The following TNFAIP2 variants were observed in gnomAD, a reference collection of about 807,000 sequenced individuals.
The protein encoded by TNFAIP2 is tumor necrosis factor alpha-induced protein 2.
In TNFAIP2, 47 loss-of-function variants were observed where a neutral mutation model predicts 63.5. The ratio of observed to expected loss-of-function variants is 0.74; its 90% confidence interval spans 0.59 to 0.94. The LOEUF is 0.94. TNFAIP2 is among the 40% of genes least tolerant of loss of function. The probability of loss-of-function intolerance (pLI) is 0.00; values close to 1 mark genes in which losing one functional copy is unlikely to be tolerated. For missense variants in TNFAIP2, 787 were observed against 850.2 expected (o/e 0.93, Z 0.92); for synonymous variants, 405 against 390.2 (o/e 1.04, Z -0.45).
In TNFAIP2 at chr14:103,135,385, G is replaced by T; in HGVS notation, c.*25G>T. On this transcript the variant is annotated 3_prime_UTR_variant, in exon 12 of 12. Transcript: ENST00000560869. The surrounding 1 kb of genome is among the most constrained non-coding windows in gnomAD (Gnocchi z 7.6). ...GCTTTTCCTGTGGCCTGACCTGCCT[G>T]TGAGTGCCCAGCAAGCCTTGGGCAC... The T allele has an allele frequency of 6.3e-7, 1 of 1,580,458 alleles. No individual in the cohort carries two copies. The highest frequency in any genetic ancestry group is 1.2e-5 in the South Asian group (1 of 85,356).
chr14:103,135,300 C>T lies in TNFAIP2; in HGVS notation c.1905C>T (p.Asp635=), dbSNP rs2234147. The change falls in exon 12 of 12, where the codon GAC becomes GAT. Residue 635 remains aspartate, a synonymous_variant. Coordinates refer to ENST00000560869, the MANE Select transcript of TNFAIP2 (RefSeq NM_006291.4). This position sits in a 1 kb window ranked among gnomAD's most constrained non-coding sequence, Gnocchi z 7.6. ...TCAAGCGCATCCGGAGCATCTTGGA[C>T]GTCAGCATGGGGGCGCAGGAGCCCT... ...SEVKRIRSIL[D]VSMGAQEPSR... 0.012 allele frequency: 19,313 copies of T among 1,613,914 alleles called. 218 individuals are homozygous for T. Among genetic ancestry groups the T allele is most frequent in the South Asian group, 0.046 (4,146 of 91,086 alleles).
chr14:103,132,396 C>T (rs1046835718), intron 8 of TNFAIP2, among the ~76,000 whole-genome samples: 4 of 152,132 alleles, frequency 2.6e-5, no homozygotes, highest in Non-Finnish European at 4.4e-5. Flanking sequence ...AGCGGTGACC[C>T]CACATCCCCT....
Position 103,135,649 on chromosome 14 carries a change from C to A in TNFAIP2, c.*289C>A. ...TGATCGTGTGCACGCAAGGAAAGAACCAGGAGGGAGAGTGCAGCCAGGCTC... is the reference window on the plus strand; with the variant it reads ...TGATCGTGTGCACGCAAGGAAAGAAACAGGAGGGAGAGTGCAGCCAGGCTC... On this transcript the variant is annotated 3_prime_UTR_variant, in exon 12 of 12. Coordinates refer to ENST00000560869, the MANE Select transcript of TNFAIP2 (RefSeq NM_006291.4). The surrounding 1 kb of genome is among the most constrained non-coding windows in gnomAD (Gnocchi z 7.6). The A allele has an allele frequency of 2.3e-6, 3 of 1,293,560 alleles. No homozygotes were observed. Among genetic ancestry groups the A allele is most frequent in the South Asian group, 3.1e-5 (2 of 65,292 alleles). 80.1% of individuals were successfully genotyped at this position (1,293,560 alleles called of 1,614,324 possible).
At position 103,127,619 on chromosome 14, in the gene TNFAIP2, C is replaced by G. The variant is rs929106818; in HGVS notation, c.850C>G (p.Leu284Val). The change falls in exon 3 of 12, where the codon CTC (leucine) becomes GTC (valine). Residue 284 changes from leucine to valine, a missense_variant. By Grantham distance (32) the Leu-to-Val change is conservative. Coordinates refer to ENST00000560869, the MANE Select transcript of TNFAIP2 (RefSeq NM_006291.4). This position sits in a 1 kb window ranked among gnomAD's most constrained non-coding sequence, Gnocchi z 5.1. Reference sequence around the variant, plus strand: ...CATGCTGCTGCTCTGGGTGCAGAACCTCTACCCCAAGTGAGCAGACCAGGG... The same window carrying G: ...CATGCTGCTGCTCTGGGTGCAGAACGTCTACCCCAAGTGAGCAGACCAGGG... ...TYMLLLWVQN[L>V]YPNDIINSPK... The G allele has an allele frequency of 2.0e-6, 3 of 1,504,918 alleles. No homozygotes were observed. In the African/African-American group the frequency reaches 4.2e-5, roughly 21 times the overall value. The allele number at this position is 1,504,918 out of a possible 1,614,324, so 93.2% of individuals were successfully genotyped here. A position where few individuals can be genotyped will look rare whatever the true frequency, so the allele number is the denominator to read the frequency against.
intron 3 of TNFAIP2, among the ~76,000 whole-genome samples, chr14:103,128,491 G>C (rs1395134029): frequency 1.3e-5 from 2 of 152,202 alleles, no homozygotes; most frequent in African/African-American, 2.4e-5. Flanking sequence ...GGGCGGGGGA[G>C]TCCAGGGGCT....
chr14:103,131,301 G>C lies in TNFAIP2; in HGVS notation c.1298+151G>C. 1 of 846,086 alleles carries C rather than the reference G, an allele frequency of 1.2e-6. No homozygotes were observed. The highest frequency in any genetic ancestry group is 1.9e-6 in the Non-Finnish European group (1 of 537,362). The allele number at this position is 846,086 out of a possible 1,614,324, so 52.4% of individuals were successfully genotyped here. On this transcript the variant is annotated intron_variant, in intron 7 of 11. Transcript: ENST00000560869. The surrounding 1 kb of genome is among the most constrained non-coding windows in gnomAD (Gnocchi z 4.0). ...GAGGACTCCACGGCCTGCAGCAGCA[G>C]CAGCAAACATTTCCCAAGTGCTGGC...
intron 2 of TNFAIP2, 108 bp from the exon 3 acceptor site, chr14:103,126,897 C>G (rs1232041585): frequency 7.1e-7 from 1 of 1,402,958 alleles, no homozygotes; most frequent in East Asian, 2.6e-5. Context: ...AGGGTGTTGG[C>G]CGCCGGCCCT....
upstream of TNFAIP2, among the ~76,000 whole-genome samples, chr14:103,123,277 G>A (rs2087783684): frequency 6.6e-6 from 1 of 152,198 alleles, no homozygotes; most frequent in East Asian, 1.9e-4. Context: ...ACAGCGCCCC[G>A]CATCCCCCGC....
At position 103,135,613 on chromosome 14, in the gene TNFAIP2, T is replaced by TAAA; in HGVS notation, c.*254_*256dup. 1 of 1,380,474 alleles carries TAAA rather than the reference T, an allele frequency of 7.2e-7. No individual in the cohort carries two copies. Among genetic ancestry groups the TAAA allele is most frequent in the Non-Finnish European group, 9.4e-7 (1 of 1,065,698 alleles). The allele number at this position is 1,380,474 out of a possible 1,614,324, so 85.5% of individuals were successfully genotyped here. On this transcript the variant is annotated 3_prime_UTR_variant, in exon 12 of 12. Coordinates refer to ENST00000560869, the MANE Select transcript of TNFAIP2 (RefSeq NM_006291.4). The surrounding 1 kb of genome is among the most constrained non-coding windows in gnomAD (Gnocchi z 7.6). ...ACCAGGCAACACCAAGGACTCTTTG[T>TAAA]AAACGATAGCTGATCGTGTGCACGC...
chr14:103,122,974 G>T (rs1474075059), upstream of TNFAIP2: 6 of 360,602 alleles, frequency 1.7e-5, no homozygotes, highest in Non-Finnish European at 3.3e-5. Flanking sequence ...CCCCTTAGGG[G>T]GCCTCCTTCA....
At position 103,127,215 on chromosome 14, in the gene TNFAIP2, A is replaced by G; in HGVS notation, c.446A>G (p.Glu149Gly). 1.8e-6 allele frequency: 2 copies of G among 1,104,600 alleles called. No individual in the cohort carries two copies. The highest frequency in any genetic ancestry group is 2.4e-5 in the South Asian group (1 of 41,424). The allele number at this position is 1,104,600 out of a possible 1,614,324, so 68.4% of individuals were successfully genotyped here. The change falls in exon 3 of 12, where the codon GAG becomes GGG. Residue 149 changes from glutamate (E) to glycine (G), a missense_variant. Physicochemically the swap from Glu to Gly is moderately conservative, Grantham distance 98. Around this residue, in one of 3 missense-constraint regions of TNFAIP2, gnomAD observed 258 missense variants for 228.9 expected, o/e 1.13. Transcript: ENST00000560869. The surrounding 1 kb of genome is among the most constrained non-coding windows in gnomAD (Gnocchi z 5.1). ...VLRRPLEAPPERLRQALAVVA... is the reference protein window; with the variant it reads ...VLRRPLEAPPGRLRQALAVVA... ...CGGCGGCCGCTGGAGGCGCCGCCCGAGCGGCTGCGCCAGGCGCTGGCCGTG... is the reference window on the plus strand; with the variant it reads ...CGGCGGCCGCTGGAGGCGCCGCCCGGGCGGCTGCGCCAGGCGCTGGCCGTG...
rs1296477616 is a variant in TNFAIP2 at position 103,132,819 on chromosome 14, A to G, written c.1492A>G (p.Thr498Ala). The G allele has an allele frequency of 6.2e-7, 1 of 1,614,078 alleles. No individual in the cohort carries two copies. The highest frequency in any genetic ancestry group is 1.7e-5 in the Admixed American group (1 of 60,020). ...PVETLENIIA[T>A]VDTRLPEFSE... ...GGAGACCCTGGAAAACATCATCGCC[A>G]CTGTAGACACGAGGCTGCCTGAGTT... The change falls in exon 9 of 12, where the codon ACT (threonine) becomes GCT (alanine). Residue 498 changes from threonine (T) to alanine (A), a missense_variant. Coordinates refer to ENST00000560869, the MANE Select transcript of TNFAIP2 (RefSeq NM_006291.4).
chr14:103,129,498 A>T (rs1227540682), intron 3 of TNFAIP2, among the ~76,000 whole-genome samples: 4 of 60,394 alleles, frequency 6.6e-5, no homozygotes, highest in Admixed American at 1.5e-4. Context: ...TTGGAGCAGG[A>T]CCTAATGGGG....
chr14:103,134,083 A>G (rs921502314), intron 11 of TNFAIP2, among the ~76,000 whole-genome samples: 1 of 152,220 alleles, frequency 6.6e-6, no homozygotes, highest in Non-Finnish European at 1.5e-5. Flanking sequence ...TTTACCTGAC[A>G]CTGCCTCTCA....
intron 5 of TNFAIP2, 31 bp downstream of exon 5, chr14:103,130,155 C>A: frequency 6.3e-7 from 1 of 1,599,874 alleles, no homozygotes; most frequent in Non-Finnish European, 8.5e-7. Context: ...GCACACGTAC[C>A]GCCCGTGCAC....
At position 103,127,407 on chromosome 14, in the gene TNFAIP2, C is replaced by T. The variant is rs1280759843; in HGVS notation, c.638C>T (p.Pro213Leu). 6.4e-7 allele frequency: 1 copy of T among 1,560,828 alleles called. No homozygotes were observed. The highest frequency in any genetic ancestry group is 2.3e-5 in the East Asian group (1 of 43,074). The change falls in exon 3 of 12, where the codon CCC becomes CTC. Residue 213 changes from proline to leucine, a missense_variant. Pro to Leu is a moderately conservative substitution (Grantham distance 98). Around this residue, in one of 3 missense-constraint regions of TNFAIP2, gnomAD observed 523 missense variants for 604.1 expected, o/e 0.87. Coordinates refer to ENST00000560869, the MANE Select transcript of TNFAIP2 (RefSeq NM_006291.4). This position sits in a 1 kb window ranked among gnomAD's most constrained non-coding sequence, Gnocchi z 5.1. ...CGGCCGGCCGCGGGCGCCGAGGTCC[C>T]CGAGAGCGTCTTTCTGCACTTGGGC... is the stretch of plus-strand genomic sequence containing the variant. ...GQRPAAGAEVPESVFLHLGRT... is the reference protein window; with the variant it reads ...GQRPAAGAEVLESVFLHLGRT...
Position 103,131,723 on chromosome 14 carries a change from C to T in TNFAIP2, c.1383C>T (p.Gly461=). ...LGPLGELKSH[G]FDTLLQNLHE... ...CCCTGGGTGAGCTCAAGAGCCACGGCTTTGACACCCTGCTCCAGAACCTGC... is the reference window on the plus strand; with the variant it reads ...CCCTGGGTGAGCTCAAGAGCCACGGTTTTGACACCCTGCTCCAGAACCTGC... Residue 461 remains glycine (G), a synonymous_variant, in exon 8 of 12, where the codon GGC becomes GGT. Transcript: ENST00000560869. The surrounding 1 kb of genome is among the most constrained non-coding windows in gnomAD (Gnocchi z 4.0). 2 of 1,612,042 alleles carry T rather than the reference C, an allele frequency of 1.2e-6. No individual in the cohort carries two copies. The highest frequency in any genetic ancestry group is 2.2e-5 in the East Asian group (1 of 44,870).
At chr14:103,129,631 C>G (rs920314438) in intron 3 of TNFAIP2, 109 bp from the exon 4 acceptor site, 1 of 925,812 alleles carries the variant, frequency 1.1e-6, no homozygotes, top group Non-Finnish European at 1.7e-6. Context: ...GGAGGGTGTG[C>G]TGGGCAGTCT....
intron 1 of TNFAIP2, among the ~76,000 whole-genome samples, chr14:103,125,485 G>A (rs2087834219): frequency 1.3e-5 from 2 of 152,226 alleles, no homozygotes; most frequent in South Asian, 4.1e-4. Flanking sequence ...CCTTCCAGAT[G>A]AGAGAAAGGA....
Sources: gnomAD v4.1 joint callset for allele counts (sites outside exome capture counted in the v4.1 genomes callset) on GRCh38, gnomAD v4.1.1 for gene constraint, gnomAD v4.1.1 regional missense constraint, Gnocchi (gnomAD v3.1) non-coding constraint, MANE v1.5 for transcripts, NCBI Gene and HGNC (gene_info 2026-07-23, HGNC 2026-07-21) for gene names.